The following CYGB variants were observed in gnomAD, a reference collection of about 807,000 sequenced individuals.
CYGB encodes histoglobin.
In CYGB, 13 loss-of-function variants were observed where a neutral mutation model predicts 20.7. The observed-to-expected ratio is 0.63, with a 90% CI of 0.41 to 1.00. CYGB has a LOEUF of 1.00. CYGB is among the 50% of genes least tolerant of loss of function. The probability of loss-of-function intolerance (pLI) is 0.00; values close to 1 mark genes in which losing one functional copy is unlikely to be tolerated. For missense variants in CYGB, 218 were observed against 257.2 expected (o/e 0.85, Z 1.04); for synonymous variants, 93 against 107.4 (o/e 0.87, Z 0.83).
chr17:76,535,194 G>C (rs970223599), intron 1 of CYGB, among the ~76,000 whole-genome samples: 1 of 152,214 alleles, frequency 6.6e-6, no homozygotes, highest in Non-Finnish European at 1.5e-5. Flanking sequence ...CTCCAGGTTG[G>C]GGGTGTGGAA....
At chr17:76,543,216 G>GT (rs1224530829) in intron 1 of CYGB, 3 of 404,992 alleles carry the variant, frequency 7.4e-6, no homozygotes, top group Non-Finnish European at 1.5e-5. Context: ...GGGCCTGGCA[G>GT]AAAGAGCAGA....
Position 76,527,710 on chromosome 17 carries a change from G to C in CYGB, c.*868C>G, listed in dbSNP as rs1195894726. The C allele has an allele frequency of 2.2e-6, 1 of 453,912 alleles. No homozygotes were observed. Among genetic ancestry groups the C allele is most frequent in the Non-Finnish European group, 4.4e-6 (1 of 226,728 alleles). 28.1% of individuals were successfully genotyped at this position (453,912 alleles called of 1,614,324 possible). A position where few individuals can be genotyped will look rare whatever the true frequency, so the allele number is the denominator to read the frequency against. ...TGCTGCCCAGCAGCCCGGATCCCCCGGGGCTGCCCTGGTGGCCAAGGCAGG... is the reference window on the plus strand; with the variant it reads ...TGCTGCCCAGCAGCCCGGATCCCCCCGGGCTGCCCTGGTGGCCAAGGCAGG... On this transcript the variant is annotated 3_prime_UTR_variant, in exon 4 of 4. Coordinates refer to ENST00000293230, the MANE Select transcript of CYGB (RefSeq NM_134268.5).
At chr17:76,529,366 A>G (rs2074806377) in intron 3 of CYGB, 1 of 985,280 alleles carries the variant, frequency 1.0e-6, no homozygotes, top group African/African-American at 1.7e-5. Flanking sequence ...TTCAGTCCAC[A>G]AGGAGCAGAA....
intron 1 of CYGB, among the ~76,000 whole-genome samples, chr17:76,532,843 G>T (rs1272711742): frequency 6.6e-6 from 1 of 152,286 alleles, no homozygotes; most frequent in African/African-American, 2.4e-5. Context: ...GGCCGACAAT[G>T]ACTTTTTCAC....
chr17:76,544,063 A>G lies in CYGB; in HGVS notation c.-53+6799T>C, dbSNP rs775233504. 2 of 454,586 alleles carry G rather than the reference A, an allele frequency of 4.4e-6. No individual in the cohort carries two copies. The highest frequency in any genetic ancestry group is 6.9e-4 in the Middle Eastern group (1 of 1,454). The allele number at this position is 454,586 out of a possible 1,614,324, so 28.2% of individuals were successfully genotyped here. A position where few individuals can be genotyped will look rare whatever the true frequency, so the allele number is the denominator to read the frequency against. On this transcript the variant is annotated intron_variant, in intron 1 of 3. Transcript: ENST00000589145. ...CTCCTTTGCCCCCAGCTGCTCTGCC[A>G]TTTCTCTCTTTTCAATCCTGCATGA... is the stretch of plus-strand genomic sequence containing the variant.
rs764523129 is a variant in CYGB, at chr17:76,527,683, C to A, written c.*895G>T. 8 of 453,914 alleles carry A rather than the reference C, an allele frequency of 1.8e-5. No homozygotes were observed. Among genetic ancestry groups the A allele is most frequent in the Non-Finnish European group, 3.1e-5 (7 of 226,738 alleles). 28.1% of individuals were successfully genotyped at this position (453,914 alleles called of 1,614,324 possible). A position where few individuals can be genotyped will look rare whatever the true frequency, so the allele number is the denominator to read the frequency against. ...AGACCCAGGCATGTGGTCCCGCCGA[C>A]CTGCTGCCCAGCAGCCCGGATCCCC... is the stretch of plus-strand genomic sequence containing the variant. On this transcript the variant is annotated 3_prime_UTR_variant, in exon 4 of 4. Coordinates refer to ENST00000293230, the MANE Select transcript of CYGB (RefSeq NM_134268.5).
At chr17:76,543,198 A>C in intron 1 of CYGB, 2 of 426,896 alleles carry the variant, frequency 4.7e-6, no homozygotes, top group South Asian at 3.5e-5. Flanking sequence ...CCTGAGCAGG[A>C]CCTGGCTGGG....
rs575137398 is a variant in CYGB, at chr17:76,531,037, G to A, written c.481C>T (p.His161Tyr). 1 of 1,613,864 alleles carries A rather than the reference G, an allele frequency of 6.2e-7. No homozygotes were observed. The highest frequency in any genetic ancestry group is 1.1e-5 in the South Asian group (1 of 91,074). The change falls in exon 3 of 4, where the codon CAC becomes TAC. Residue 161 changes from histidine (H) to tyrosine (Y), a missense_variant. Around this residue, in one of 2 missense-constraint regions of CYGB, gnomAD observed 66 missense variants for 107.4 expected, o/e 0.61. Coordinates refer to ENST00000293230, the MANE Select transcript of CYGB (RefSeq NM_134268.5). This position sits in a 1 kb window ranked among gnomAD's most constrained non-coding sequence, Gnocchi z 7.4. ...WAKLRGLIYSHVTAAYKEVGW... is the reference protein window; with the variant it reads ...WAKLRGLIYSYVTAAYKEVGW... ...ACTTCCTTGTAGGCAGCGGTCACGT[G>A]GCTGTAGATGAGGCCACGCAGCTTG...
chr17:76,544,531 G>A lies in CYGB; in HGVS notation c.-53+6331C>T, dbSNP rs757028440. The A allele has an allele frequency of 1.2e-4, 56 of 456,606 alleles. No homozygotes were observed. The highest frequency in any genetic ancestry group is 3.1e-4 in the Admixed American group (13 of 42,590). The allele number at this position is 456,606 out of a possible 1,614,324, so 28.3% of individuals were successfully genotyped here. Reference sequence around the variant, plus strand: ...GCCTCTCAAAGTAGGGCAGGCAGGAGGCAGGGGGAAAGTCACACTAGGGAA... The same window carrying A: ...GCCTCTCAAAGTAGGGCAGGCAGGAAGCAGGGGGAAAGTCACACTAGGGAA... On this transcript the variant is annotated intron_variant, in intron 1 of 3. Transcript: ENST00000589145.
intron 1 of CYGB, among the ~76,000 whole-genome samples, chr17:76,532,406 T>C (rs1429307494): frequency 1.3e-5 from 2 of 152,134 alleles, no homozygotes; most frequent in Non-Finnish European, 2.9e-5. Flanking sequence ...CCTGAGGCCA[T>C]TGGCACTACT....
chr17:76,536,572 C>T (rs1459639920), intron 1 of CYGB, among the ~76,000 whole-genome samples: 1 of 152,144 alleles, frequency 6.6e-6, no homozygotes, highest in Non-Finnish European at 1.5e-5. Context: ...GGACACATCA[C>T]CTCTATAAGG....
chr17:76,537,561 C>G lies in CYGB; in HGVS notation c.-19G>C. 1.5e-6 allele frequency: 2 copies of G among 1,355,898 alleles called. No homozygotes were observed. The highest frequency in any genetic ancestry group is 1.9e-6 in the Non-Finnish European group (2 of 1,038,730). The allele number at this position is 1,355,898 out of a possible 1,614,324, so 84.0% of individuals were successfully genotyped here. ...TCTCCATGAGCAGCTCCAAGCCCAG[C>G]CCGGCTTTGCTCGGCGGCGGCGGTG... On this transcript the variant is annotated 5_prime_UTR_variant, in exon 1 of 4. Transcript: ENST00000293230.
At chr17:76,532,814 G>A (rs1387885782) in intron 1 of CYGB, among the ~76,000 whole-genome samples, 2 of 152,172 alleles carry the variant, frequency 1.3e-5, no homozygotes, top group African/African-American at 4.8e-5. Flanking sequence ...TGGGATTACA[G>A]GTGTGAGCCA....
At chr17:76,529,041 T>TGGGGG in intron 3 of CYGB, 4 of 834,144 alleles carry the variant, frequency 4.8e-6, no homozygotes, top group Non-Finnish European at 4.1e-6. Flanking sequence ...CTGCAGTCAT[T>TGGGGG]GCGCCCCCCC....
At position 76,528,558 on chromosome 17, in the gene CYGB, G is replaced by C; in HGVS notation, c.*20C>G. The C allele has an allele frequency of 3.9e-6, 5 of 1,289,454 alleles. No homozygotes were observed. Among genetic ancestry groups the C allele is most frequent in the South Asian group, 2.9e-5 (1 of 33,906 alleles). The allele number at this position is 1,289,454 out of a possible 1,614,324, so 79.9% of individuals were successfully genotyped here. Reference sequence around the variant, plus strand: ...CTTCTGCTCGAGGTGCTGCCAGGGAGGGGGGTGGAGTTAGGGGTCCTACGG... The same window carrying C: ...CTTCTGCTCGAGGTGCTGCCAGGGACGGGGGTGGAGTTAGGGGTCCTACGG... On this transcript the variant is annotated 3_prime_UTR_variant, in exon 4 of 4. Transcript: ENST00000293230. This position sits in a 1 kb window ranked among gnomAD's most constrained non-coding sequence, Gnocchi z 5.8.
rs534615897 is a variant in CYGB at position 76,529,482 on chromosome 17, A to T, written c.540-871T>A. 1.2e-5 allele frequency: 12 copies of T among 985,336 alleles called. No homozygotes were observed. In the South Asian group the frequency reaches 5.2e-4, roughly 42 times the overall value. The allele number at this position is 985,336 out of a possible 1,614,324, so 61.0% of individuals were successfully genotyped here. A position where few individuals can be genotyped will look rare whatever the true frequency, so the allele number is the denominator to read the frequency against. On this transcript the variant is annotated intron_variant, in intron 3 of 3. Coordinates refer to ENST00000293230, the MANE Select transcript of CYGB (RefSeq NM_134268.5). ...GGCAGGACGGGCAGCGTGCTGGGGA[A>T]CTTGGGCCATGTGTTTCTGATTCAC... is the stretch of plus-strand genomic sequence containing the variant.
rs1420773699 is a variant in CYGB at position 76,527,907 on chromosome 17, G to C, written c.*671C>G. 2 of 424,588 alleles carry C rather than the reference G, an allele frequency of 4.7e-6. No individual in the cohort carries two copies. The highest frequency in any genetic ancestry group is 9.6e-6 in the Non-Finnish European group (2 of 208,156). 26.3% of individuals were successfully genotyped at this position (424,588 alleles called of 1,614,324 possible). ...TGGAAGTGGAATTCAGGAATGTGGG[G>C]AGCTGGTCTGAGAAGGGGCTGGGCT... On this transcript the variant is annotated 3_prime_UTR_variant, in exon 4 of 4. Coordinates refer to ENST00000293230, the MANE Select transcript of CYGB (RefSeq NM_134268.5).
Position 76,530,140 on chromosome 17 carries a change from G to GGGAATGTTTCTCTACCA in CYGB, c.539+838_539+839insTGGTAGAGAAACATTCC. ...TACCACGGGAATGTTTCTCTACCAC[G>GGGAATGTTTCTCTACCA]CGTGTCCCGGGCTGCTGGCTGACCT... On this transcript the variant is annotated intron_variant, in intron 3 of 3. Transcript: ENST00000293230. This position sits in a 1 kb window ranked among gnomAD's most constrained non-coding sequence, Gnocchi z 6.1. The GGGAATGTTTCTCTACCA allele has an allele frequency of 3.0e-5, 29 of 966,456 alleles. No individual in the cohort carries two copies. Among genetic ancestry groups the GGGAATGTTTCTCTACCA allele is most frequent in the Middle Eastern group, 5.3e-4 (1 of 1,876 alleles). The allele number at this position is 966,456 out of a possible 1,614,324, so 59.9% of individuals were successfully genotyped here.
At chr17:76,547,713 A>G (rs1365006861) in intron 1 of CYGB, among the ~76,000 whole-genome samples, 2 of 151,482 alleles carry the variant, frequency 1.3e-5, no homozygotes, top group Admixed American at 1.3e-4. Flanking sequence ...ACACACACAC[A>G]GAGACACATA....
Sources: allele counts gnomAD v4.1 joint callset (sites outside exome capture counted in the v4.1 genomes callset), GRCh38; gene constraint gnomAD v4.1.1; regional missense constraint gnomAD v4.1.1; non-coding constraint Gnocchi (gnomAD v3.1); transcripts MANE v1.5; gene names NCBI Gene and HGNC (gene_info 2026-07-23, HGNC 2026-07-21).